The following SGF29 variants were observed in gnomAD, a reference collection of about 807,000 sequenced individuals.
SGF29 encodes the protein SAGA complex associated factor 29, also known as SAGA-associated factor 29.
Under a neutral mutation model 38.1 loss-of-function variants are expected in SGF29, and 15 were observed. That is an observed-to-expected ratio of 0.39 (90% confidence interval 0.26 to 0.61). SGF29 has a LOEUF of 0.61. Among genes scored for constraint, SGF29 ranks in the 20% least tolerant of loss-of-function variants. The pLI, the probability that SGF29 is intolerant of heterozygous loss-of-function variation, is 0.49. For synonymous variants in SGF29, 151 were observed against 160.8 expected, an observed-to-expected ratio of 0.94 and a Z score of 0.46; for missense variants, 184 against 394.6, an observed-to-expected ratio of 0.47 and a Z score of 4.52.
intron 4 of SGF29, chr16:28,588,628 G>A (rs1230631121): frequency 1.9e-5 from 8 of 430,666 alleles, no homozygotes; most frequent in Admixed American, 5.4e-5. Context: ...GCAATGACGC[G>A]ATCTCGGTTC....
intron 1 of SGF29, among the ~76,000 whole-genome samples, chr16:28,566,952 G>T (rs753832704): frequency 6.6e-6 from 1 of 152,066 alleles, no homozygotes; most frequent in Non-Finnish European, 1.5e-5. Context: ...TTACAGGGGT[G>T]AGCCACCGTA....
chr16:28,589,261 A>C (rs1596609110), intron 5 of SGF29, 97 bp downstream of exon 5: 4 of 1,240,506 alleles, frequency 3.2e-6, no homozygotes, highest in Admixed American at 1.8e-5. Flanking sequence ...TGTGGCCACC[A>C]CCTGCTGGCA....
At chr16:28,554,531 C>T (rs1202972283) in intron 1 of SGF29, among the ~76,000 whole-genome samples, 1 of 152,146 alleles carries the variant, frequency 6.6e-6, no homozygotes. Context: ...AACAGCTCGT[C>T]GTTTGCCCAG....
At chr16:28,569,323 A>G (rs943241068) in intron 1 of SGF29, among the ~76,000 whole-genome samples, 1 of 152,208 alleles carries the variant, frequency 6.6e-6, no homozygotes, top group Non-Finnish European at 1.5e-5. Context: ...GGAAAGCAGA[A>G]CTTAAGCATT....
At chr16:28,581,254 A>G in intron 2 of SGF29, 110 bp downstream of exon 2, 1 of 956,446 alleles carries the variant, frequency 1.0e-6, no homozygotes, top group Non-Finnish European at 1.6e-6. Context: ...AGGAACCAAA[A>G]TGACGTAATA....
At position 28,590,944 on chromosome 16, in the gene SGF29, G is replaced by T. The variant is rs1395852291; in HGVS notation, c.765+9G>T. The T allele has an allele frequency of 1.2e-6, 2 of 1,601,150 alleles. No individual in the cohort carries two copies. The highest frequency in any genetic ancestry group is 1.1e-5 in the South Asian group (1 of 89,588). ...ATGCGCCCCCACAGCGGGTAAAGCA[G>T]CCTCCAGGGGAGAGGCCATGGGTGA... On this transcript the variant is annotated intron_variant, in intron 9 of 9. Coordinates refer to ENST00000317058, the MANE Select transcript of SGF29 (RefSeq NM_138414.3). The surrounding 1 kb of genome is among the most constrained non-coding windows in gnomAD (Gnocchi z 8.2).
In SGF29 at chr16:28,556,757, C is replaced by A. The variant is rs924678384; in HGVS notation, c.-16+2660C>A. ...TTCCTGGGCTCAAGTGATCCTCCTG[C>A]CATAGCCTCCTGAGTAGCTAGGACT... On this transcript the variant is annotated intron_variant, in intron 1 of 9. Coordinates refer to ENST00000317058, the MANE Select transcript of SGF29 (RefSeq NM_138414.3). Among the ~76,000 whole-genome samples the A allele has an allele frequency of 5.3e-5, 8 of 152,252 alleles. No individual in the cohort carries two copies. In the South Asian group the frequency reaches 1.5e-3, roughly 28 times the overall value.
chr16:28,588,533 T>C (rs1006091906), intron 4 of SGF29: 8 of 402,170 alleles, frequency 2.0e-5, no homozygotes, highest in East Asian at 7.7e-5. Context: ...TTTATGTTCT[T>C]AAGACTAAAA....
intron 1 of SGF29, among the ~76,000 whole-genome samples, chr16:28,580,387 C>T (rs538770993): frequency 2.0e-5 from 3 of 152,156 alleles, no homozygotes; most frequent in Admixed American, 6.5e-5. Flanking sequence ...AAGATGTCAG[C>T]TTGGTTCCAA....
intron 1 of SGF29, among the ~76,000 whole-genome samples, chr16:28,555,483 A>G (rs1396755964): frequency 6.6e-6 from 1 of 152,134 alleles, no homozygotes. Flanking sequence ...CTCAAAAAAG[A>G]GTTCTAGAGG....
chr16:28,564,695 A>ATATACATATATATGTATATATATG (rs2046819978), intron 1 of SGF29, among the ~76,000 whole-genome samples: 1 of 52,000 alleles, frequency 1.9e-5, no homozygotes, highest in Non-Finnish European at 4.6e-5. Flanking sequence ...GTGTATATAT[A>ATATACATATATATGTATATATATG]TGTATATATA....
At chr16:28,583,618 G>T (rs2046938972) in intron 2 of SGF29, among the ~76,000 whole-genome samples, 1 of 152,204 alleles carries the variant, frequency 6.6e-6, no homozygotes, top group African/African-American at 2.4e-5. Context: ...AGCATCTGCA[G>T]TTGCAGCTCT....
intron 1 of SGF29, among the ~76,000 whole-genome samples, chr16:28,572,790 G>A (rs147764075): frequency 8.7e-4 from 133 of 152,192 alleles, no homozygotes; most frequent in Non-Finnish European, 1.5e-3. Flanking sequence ...GGGAGGTGTC[G>A]CTGGGTATGA....
intron 1 of SGF29, among the ~76,000 whole-genome samples, chr16:28,571,770 CTG>C (rs1227732455): frequency 6.6e-6 from 1 of 152,022 alleles, no homozygotes; most frequent in Non-Finnish European, 1.5e-5. Flanking sequence ...GTGGACCTAA[CTG>C]TGGAGATGGG....
intron 1 of SGF29, among the ~76,000 whole-genome samples, chr16:28,559,164 T>C (rs1215283960): frequency 1.3e-5 from 2 of 151,790 alleles, no homozygotes; most frequent in African/African-American, 4.8e-5. Context: ...AACAGAAAAT[T>C]ATAAAATTAG....
intron 1 of SGF29, among the ~76,000 whole-genome samples, chr16:28,557,864 CA>C: frequency 6.6e-6 from 1 of 151,638 alleles, no homozygotes; most frequent in South Asian, 2.1e-4. Context: ...GTTTTTTCCT[CA>C]CAGACTGTAG....
At chr16:28,577,047 G>A (rs193634) in intron 1 of SGF29, among the ~76,000 whole-genome samples, 3 of 151,994 alleles carry the variant, frequency 2.0e-5, no homozygotes, top group Non-Finnish European at 4.4e-5. Context: ...GGTGGTGGGC[G>A]CCTATAGTCC....
At chr16:28,556,639 G>A (rs755841862) in intron 1 of SGF29, among the ~76,000 whole-genome samples, 9 of 151,226 alleles carry the variant, frequency 6.0e-5, no homozygotes, top group Non-Finnish European at 1.0e-4. Context: ...GAGCCATTGC[G>A]CCCAACCTAC....
At chr16:28,555,487 CTA>C (rs2046744660) in intron 1 of SGF29, among the ~76,000 whole-genome samples, 1 of 151,976 alleles carries the variant, frequency 6.6e-6, no homozygotes, top group Admixed American at 6.6e-5. Context: ...AAAAAGAGTT[CTA>C]GAGGTGGAAG....
Sources: allele counts gnomAD v4.1 joint callset (sites outside exome capture counted in the v4.1 genomes callset), GRCh38; gene constraint gnomAD v4.1.1; non-coding constraint Gnocchi (gnomAD v3.1); transcripts MANE v1.5; gene names NCBI Gene and HGNC (gene_info 2026-07-23, HGNC 2026-07-21).